MITF: variants seen among roughly 807,000 people sequenced by gnomAD.
The protein encoded by MITF is microphthalmia-associated transcription factor.
In MITF, 17 loss-of-function variants were observed where a neutral mutation model predicts 60.5. That is an observed-to-expected ratio of 0.28 (90% confidence interval 0.19 to 0.42). The LOEUF (loss-of-function observed/expected upper bound fraction) is 0.42. Among genes scored for constraint, MITF ranks in the 10% least tolerant of loss-of-function variants. The pLI is 1.00. For synonymous variants in MITF, 260 were observed against 248.5 expected (o/e 1.05, Z -0.43); for missense variants, 622 against 683.5 (o/e 0.91, Z 1.00).
rs752331726 is a variant in MITF, at chr3:69,941,260, A to T, written c.691A>T (p.Ile231Phe). ...GATGGATGATGTAATCGATGACATCATTAGCCTAGAATCAAGTTATAATGA... is the reference window on the plus strand; with the variant it reads ...GATGGATGATGTAATCGATGACATCTTTAGCCTAGAATCAAGTTATAATGA... ...MQMDDVIDDI[I>F]SLESSYNEEI... Residue 231 changes from isoleucine to phenylalanine, a missense_variant, in exon 5 of 10, where the codon ATT (isoleucine) becomes TTT (phenylalanine). This residue lies in a region of MITF where 215 missense variants were observed against 224.8 expected (regional missense o/e 0.96). Transcript: ENST00000352241. The T allele has an allele frequency of 6.2e-7, 1 of 1,612,680 alleles. No homozygotes were observed. Among genetic ancestry groups the T allele is most frequent in the South Asian group, 1.1e-5 (1 of 91,024 alleles).
intron 1 of MITF, among the ~76,000 whole-genome samples, chr3:69,872,291 G>T (rs2064256316): frequency 6.6e-6 from 1 of 151,872 alleles, no homozygotes; most frequent in Non-Finnish European, 1.5e-5. Flanking sequence ...CTCTTAGTTG[G>T]AGTATACATA....
chr3:69,933,945 T>TTA (rs573353110), intron 2 of MITF, among the ~76,000 whole-genome samples: 3 of 152,190 alleles, frequency 2.0e-5, no homozygotes, highest in Non-Finnish European at 4.4e-5. Flanking sequence ...TATGGCTTTT[T>TTA]AAGTTGTCAA....
chr3:69,810,292 C>T (rs905638251), intron 1 of MITF, among the ~76,000 whole-genome samples: 2 of 152,154 alleles, frequency 1.3e-5, no homozygotes, highest in African/African-American at 4.8e-5. Context: ...CATGTCTTTA[C>T]AAAGCGTTGT....
At chr3:69,776,892 G>A (rs1279971093) in intron 1 of MITF, among the ~76,000 whole-genome samples, 3 of 152,086 alleles carry the variant, frequency 2.0e-5, no homozygotes, top group African/African-American at 7.2e-5. Context: ...TATGCCTCTG[G>A]CTTATATAGA....
intron 2 of MITF, among the ~76,000 whole-genome samples, chr3:69,888,472 G>A (rs1440959909): frequency 6.9e-6 from 1 of 144,268 alleles, no homozygotes; most frequent in East Asian, 2.1e-4. Flanking sequence ...TGTGGAGATC[G>A]GTGCCTTAAT....
chr3:69,865,434 G>T (rs1245245289), intron 1 of MITF, among the ~76,000 whole-genome samples: 1 of 152,142 alleles, frequency 6.6e-6, no homozygotes, highest in Non-Finnish European at 1.5e-5. Flanking sequence ...AGTCCTGTAG[G>T]AGCTGCATGA....
intron 1 of MITF, among the ~76,000 whole-genome samples, chr3:69,786,053 A>G (rs925851180): frequency 2.6e-4 from 39 of 152,236 alleles, no homozygotes; most frequent in African/African-American, 9.4e-4. Context: ...TGGAGAACAA[A>G]AAAAGCAGTG....
rs183799687 is a variant in MITF, at chr3:69,962,558, T to C, written c.1180-2289T>C. On this transcript the variant is annotated intron_variant, in intron 9 of 9. Coordinates refer to ENST00000352241, the MANE Select transcript of MITF (RefSeq NM_001354604.2). ...GGGCAGAGGTTGAGAGGCCATGTCA[T>C]ATGGAGAGTCCTTCCCCTCTCTGAT... Among the ~76,000 whole-genome samples, 12 of 152,290 alleles carry C rather than the reference T, an allele frequency of 7.9e-5. No individual in the cohort carries two copies. The East Asian group carries it at 2.3e-3, about 29-fold the overall frequency.
intron 1 of MITF, among the ~76,000 whole-genome samples, chr3:69,781,461 C>A (rs1471101466): frequency 6.6e-6 from 1 of 152,026 alleles, no homozygotes; most frequent in Non-Finnish European, 1.5e-5. Context: ...CATGTGGAGC[C>A]CCTTGTTATG....
chr3:69,963,264 G>T (rs1481829867), intron 9 of MITF, among the ~76,000 whole-genome samples: 4 of 152,154 alleles, frequency 2.6e-5, no homozygotes, highest in Non-Finnish European at 5.9e-5. Flanking sequence ...GAACGTACTT[G>T]TTGAGTTAAA....
intron 2 of MITF, among the ~76,000 whole-genome samples, chr3:69,911,367 G>A (rs913341339): frequency 6.6e-6 from 1 of 152,136 alleles, no homozygotes; most frequent in African/African-American, 2.4e-5. Flanking sequence ...GAAGTGACAT[G>A]ATCATAGCAC....
At chr3:69,887,223 C>A (rs1038553992) in intron 2 of MITF, among the ~76,000 whole-genome samples, 1 of 152,092 alleles carries the variant, frequency 6.6e-6, no homozygotes, top group Admixed American at 6.6e-5. Context: ...TTAATCCCAA[C>A]AATTAAAGAA....
At chr3:69,855,888 G>T (rs566943726) in intron 1 of MITF, among the ~76,000 whole-genome samples, 12 of 152,034 alleles carry the variant, frequency 7.9e-5, no homozygotes, top group Admixed American at 5.2e-4. Context: ...GTTTTCCCCT[G>T]GGCTAGAGGT....
chr3:69,788,974 C>T (rs2062696285), intron 1 of MITF, among the ~76,000 whole-genome samples: 1 of 151,876 alleles, frequency 6.6e-6, no homozygotes, highest in Non-Finnish European at 1.5e-5. Flanking sequence ...AATGTAAGAC[C>T]CAAAACTATA....
intron 1 of MITF, among the ~76,000 whole-genome samples, chr3:69,793,494 A>T (rs1222758198): frequency 6.6e-6 from 1 of 151,610 alleles, no homozygotes; most frequent in Non-Finnish European, 1.5e-5. Flanking sequence ...TACCCATTAG[A>T]TGCTCATAGC....
At chr3:69,882,824 A>G (rs183159144) in intron 2 of MITF, among the ~76,000 whole-genome samples, 23 of 152,296 alleles carry the variant, frequency 1.5e-4, no homozygotes, top group Admixed American at 1.1e-3. Context: ...ATGAATTATA[A>G]AAGCACTGGT....
At chr3:69,931,957 G>GT (rs1390516520) in intron 2 of MITF, among the ~76,000 whole-genome samples, 1 of 152,212 alleles carries the variant, frequency 6.6e-6, no homozygotes, top group Non-Finnish European at 1.5e-5. Context: ...TTTAAAAAGG[G>GT]TGGGGGGTAA....
At chr3:69,813,340 A>G (rs1184171685) in intron 1 of MITF, among the ~76,000 whole-genome samples, 2 of 152,204 alleles carry the variant, frequency 1.3e-5, no homozygotes, top group Non-Finnish European at 2.9e-5. Context: ...CACCAAGTGG[A>G]ATAAGTCTCC....
chr3:69,751,305 G>T (rs1453546642), intron 1 of MITF, among the ~76,000 whole-genome samples: 1 of 152,150 alleles, frequency 6.6e-6, no homozygotes, highest in Non-Finnish European at 1.5e-5. Flanking sequence ...AAACAGAGAG[G>T]TGGAATGGAT....
Sources: gnomAD v4.1 joint callset for allele counts (sites outside exome capture counted in the v4.1 genomes callset) on GRCh38, gnomAD v4.1.1 for gene constraint, gnomAD v4.1.1 regional missense constraint, MANE v1.5 for transcripts, NCBI Gene and HGNC (gene_info 2026-07-23, HGNC 2026-07-21) for gene names.